The following SRGAP3 variants were observed in gnomAD, a reference collection of about 807,000 sequenced individuals.
SRGAP3 encodes SLIT-ROBO Rho GTPase activating protein 3.
In SRGAP3, 39 loss-of-function variants were observed where a neutral mutation model predicts 121.1. That is an observed-to-expected ratio of 0.32 (90% CI 0.25 to 0.42). The LOEUF is 0.42. Among genes scored for constraint, SRGAP3 ranks in the 10% least tolerant of loss-of-function variants. The pLI, the probability that SRGAP3 is intolerant of heterozygous loss-of-function variation, is 1.00. For missense variants in SRGAP3, 1,213 were observed against 1,470.6 expected (o/e 0.82, Z 2.86); for synonymous variants, 601 against 570.0 (o/e 1.05, Z -0.77).
At chr3:9,118,699 C>G (rs563376304) in intron 2 of SRGAP3, among the ~76,000 whole-genome samples, 11 of 152,224 alleles carry the variant, frequency 7.2e-5, no homozygotes, top group East Asian at 1.9e-4. Context: ...AGGCCCCCCC[C>G]CCAAGAAGTT....
At chr3:9,055,251 G>T (rs1166536930) in intron 8 of SRGAP3, among the ~76,000 whole-genome samples, 2 of 152,206 alleles carry the variant, frequency 1.3e-5, no homozygotes, top group Admixed American at 1.3e-4. Flanking sequence ...GAGATGAAAA[G>T]CAAAGTTGCT....
intron 1 of SRGAP3, among the ~76,000 whole-genome samples, chr3:9,162,062 AC>A (rs1575166664): frequency 6.6e-6 from 1 of 152,200 alleles, no homozygotes; most frequent in African/African-American, 2.4e-5. Context: ...TAAGCCAGTC[AC>A]AAAAGACAAA....
intron 3 of SRGAP3, among the ~76,000 whole-genome samples, chr3:9,090,105 A>C (rs2124847317): frequency 6.6e-6 from 1 of 152,280 alleles, no homozygotes. Flanking sequence ...AACGTAATCC[A>C]TGCTTATGTC....
intron 1 of SRGAP3, among the ~76,000 whole-genome samples, chr3:9,176,373 T>C (rs1354905562): frequency 6.6e-6 from 1 of 152,216 alleles, no homozygotes; most frequent in Non-Finnish European, 1.5e-5. Flanking sequence ...CCTTCATAAA[T>C]GGCAGTTACA....
At chr3:9,346,263 GA>G (rs950269278) in intron 1 of SRGAP3, among the ~76,000 whole-genome samples, 19 of 151,524 alleles carry the variant, frequency 1.3e-4, no homozygotes, top group African/African-American at 4.1e-4. Flanking sequence ...ATATTTTTTA[GA>G]GATTGGGTCT....
chr3:9,260,781 A>C (rs1954238030), intron 3 of SRGAP3, among the ~76,000 whole-genome samples: 1 of 152,224 alleles, frequency 6.6e-6, no homozygotes, highest in Non-Finnish European at 1.5e-5. Flanking sequence ...ACAGCTCTGA[A>C]GTGAAGAAAT....
At chr3:9,020,619 C>T (rs1574921166) in intron 14 of SRGAP3, among the ~76,000 whole-genome samples, 1 of 152,194 alleles carries the variant, frequency 6.6e-6, no homozygotes, top group African/African-American at 2.4e-5. Flanking sequence ...TACACATACA[C>T]ACGCCATTAG....
intron 1 of SRGAP3, among the ~76,000 whole-genome samples, chr3:9,177,704 T>G (rs1405090151): frequency 6.6e-6 from 1 of 152,164 alleles, no homozygotes; most frequent in Non-Finnish European, 1.5e-5. Context: ...TACTCTCTCT[T>G]TTCTGGCATC....
At chr3:9,187,032 A>G (rs1297575179) in intron 1 of SRGAP3, among the ~76,000 whole-genome samples, 1 of 152,086 alleles carries the variant, frequency 6.6e-6, no homozygotes, top group East Asian at 1.9e-4. Context: ...TTACATAGGT[A>G]TACACGTGCC....
chr3:9,313,022 C>T (rs1375382875), intron 3 of SRGAP3, among the ~76,000 whole-genome samples: 1 of 151,732 alleles, frequency 6.6e-6, no homozygotes, highest in South Asian at 2.1e-4. Flanking sequence ...AAAAAACAAA[C>T]GTCATCTTCC....
At chr3:9,190,052 C>T (rs889423108) in intron 1 of SRGAP3, among the ~76,000 whole-genome samples, 2 of 152,152 alleles carry the variant, frequency 1.3e-5, no homozygotes, top group Admixed American at 6.5e-5. Flanking sequence ...GAAATTGACA[C>T]ACAAGAGTGG....
At chr3:9,174,632 C>A (rs895294746) in intron 1 of SRGAP3, among the ~76,000 whole-genome samples, 1 of 152,168 alleles carries the variant, frequency 6.6e-6, no homozygotes, top group African/African-American at 2.4e-5. Context: ...CGGGAGTTCA[C>A]CTAAGGTTTC....
chr3:9,080,968 A>C (rs1396182472), intron 3 of SRGAP3, among the ~76,000 whole-genome samples: 1 of 152,124 alleles, frequency 6.6e-6, no homozygotes, highest in African/African-American at 2.4e-5. Context: ...CAATAAATAT[A>C]ATGTGCTTCA....
intron 1 of SRGAP3, among the ~76,000 whole-genome samples, chr3:9,131,603 C>T (rs1250130218): frequency 6.6e-6 from 1 of 151,890 alleles, no homozygotes; most frequent in Non-Finnish European, 1.5e-5. Flanking sequence ...CCACGCCCAG[C>T]TAATATTTTT....
chr3:8,982,091 A>C lies in SRGAP3; in HGVS notation c.*3428T>G, dbSNP rs1358789300. ...GCACAGCTTGTTCTCAATTTTATCC[A>C]AAAAGCTCTTTAGTGGCAGCTGAGC... On this transcript the variant is annotated 3_prime_UTR_variant, in exon 22 of 22. Transcript: ENST00000383836. 4.4e-6 allele frequency: 1 copy of C among 226,026 alleles called. No homozygotes were observed. The highest frequency in any genetic ancestry group is 8.8e-6 in the Non-Finnish European group (1 of 113,248). 14.0% of individuals were successfully genotyped at this position (226,026 alleles called of 1,614,324 possible). A position where few individuals can be genotyped will look rare whatever the true frequency, so the allele number is the denominator to read the frequency against.
intron 1 of SRGAP3, among the ~76,000 whole-genome samples, chr3:9,353,668 T>A (rs1053200312): frequency 6.6e-6 from 1 of 152,236 alleles, no homozygotes; most frequent in Non-Finnish European, 1.5e-5. Flanking sequence ...TATTTCCCTC[T>A]AGTTGTTAAC....
At chr3:9,196,786 T>C (rs1369699845) in intron 1 of SRGAP3, among the ~76,000 whole-genome samples, 1 of 152,158 alleles carries the variant, frequency 6.6e-6, no homozygotes, top group East Asian at 1.9e-4. Flanking sequence ...TTTTGCAAAC[T>C]AGTCCAATAC....
intron 1 of SRGAP3, among the ~76,000 whole-genome samples, chr3:9,170,033 T>C (rs1324608354): frequency 6.6e-6 from 1 of 152,204 alleles, no homozygotes; most frequent in Admixed American, 6.5e-5. Context: ...CAAGCCTGTG[T>C]TGACATTTGT....
chr3:9,169,029 GC>G (rs200103259), intron 1 of SRGAP3, among the ~76,000 whole-genome samples: 1,597 of 152,322 alleles, frequency 0.01, 13 homozygotes, highest in Middle Eastern at 0.02. Context: ...GGACCCTTGT[GC>G]AGTGCATGGC....
Sources: gnomAD v4.1 joint callset for allele counts (sites outside exome capture counted in the v4.1 genomes callset) on GRCh38, gnomAD v4.1.1 for gene constraint, MANE v1.5 for transcripts, NCBI Gene and HGNC (gene_info 2026-07-23, HGNC 2026-07-21) for gene names.